The following LRRC18 variants were observed in gnomAD, a reference collection of about 807,000 sequenced individuals.
The protein encoded by LRRC18 is leucine-rich repeat-containing protein 18.
LRRC18 carries 12 observed loss-of-function variants against 11.2 expected under a neutral mutation model. That is an observed-to-expected ratio of 1.07 (90% CI 0.69 to 1.74). LRRC18 has a LOEUF of 1.74. Among genes scored for constraint, LRRC18 ranks in the 40% most tolerant of loss-of-function variants. The pLI is 0.00. For missense variants in LRRC18, 374 were observed against 330.5 expected (o/e 1.13, Z -1.02); for synonymous variants, 155 against 130.6 (o/e 1.19, Z -1.27).
chr10:48,913,891 G>A, exon 1 of LRRC18: 1 of 1,614,186 alleles, frequency 6.2e-7, no homozygotes, highest in East Asian at 2.2e-5. Flanking sequence ...ATGGACTCAG[G>A]CAGCTTGTCT....
upstream of LRRC18, among the ~76,000 whole-genome samples, chr10:48,916,871 A>ATGTGTG (rs55891907): frequency 9.6e-4 from 143 of 149,388 alleles, no homozygotes; most frequent in African/African-American, 3.1e-3. Context: ...CTTTAAAAAT[A>ATGTGTG]TGTGTGTGTG....
At chr10:48,936,598 G>A in the LRRC18 span, among the ~76,000 whole-genome samples, 56 of 122,754 alleles carry the variant, frequency 4.6e-4, 1 homozygote, top group East Asian at 9.0e-3. Flanking sequence ...AGCACTTTCG[G>A]AGGCCGAAGA....
the LRRC18 span, among the ~76,000 whole-genome samples, chr10:48,925,983 C>T: frequency 6.6e-6 from 1 of 152,140 alleles, no homozygotes; most frequent in Non-Finnish European, 1.5e-5. Context: ...TCCCCAAAGT[C>T]ACACAGGCAG....
chr10:48,917,261 A>G (rs998577911), upstream of LRRC18, among the ~76,000 whole-genome samples: 1 of 152,230 alleles, frequency 6.6e-6, no homozygotes, highest in African/African-American at 2.4e-5. Flanking sequence ...CTCTATCTCT[A>G]TCTCTGCTGA....
intron 1 of LRRC18, chr10:48,910,957 A>G (rs770754445): frequency 1.5e-5 from 15 of 971,638 alleles, no homozygotes; most frequent in South Asian, 4.8e-5. Flanking sequence ...AGGAGGGAAA[A>G]TTAATTCTAA....
At chr10:48,917,575 G>A (rs1338616321), upstream of LRRC18, among the ~76,000 whole-genome samples, 4 of 152,238 alleles carry the variant, frequency 2.6e-5, no homozygotes, top group Non-Finnish European at 5.9e-5. Context: ...ACAGGGGCCA[G>A]AGGTGCTGGA....
chr10:48,938,861 C>T, the LRRC18 span, among the ~76,000 whole-genome samples: 1 of 152,182 alleles, frequency 6.6e-6, no homozygotes, highest in Non-Finnish European at 1.5e-5. Context: ...TAGAGGTGGA[C>T]ACCTGTCCTG....
upstream of LRRC18, among the ~76,000 whole-genome samples, chr10:48,915,374 C>T (rs1465711819): frequency 6.6e-6 from 1 of 151,774 alleles, no homozygotes. Flanking sequence ...GGTTCTGGGA[C>T]CCCCTTTTCT....
exon 1 of LRRC18, chr10:48,913,500 T>C: frequency 6.2e-7 from 1 of 1,613,852 alleles, no homozygotes; most frequent in Non-Finnish European, 8.5e-7. Flanking sequence ...ATTCAGGTTG[T>C]CCCGGGCGTT....
chr10:48,916,114 A>G (rs1838505656), upstream of LRRC18, among the ~76,000 whole-genome samples: 1 of 152,248 alleles, frequency 6.6e-6, no homozygotes, highest in South Asian at 2.1e-4. Flanking sequence ...GATAAGTGAT[A>G]TCAGGCAGAT....
exon 1 of LRRC18, chr10:48,914,073 C>T (rs1377053517): frequency 6.2e-7 from 1 of 1,614,174 alleles, no homozygotes; most frequent in Non-Finnish European, 8.5e-7. Context: ...GCGCTTTTTC[C>T]CATCAAAAGT....
the LRRC18 span, among the ~76,000 whole-genome samples, chr10:48,930,150 C>T: frequency 6.6e-6 from 1 of 152,170 alleles, no homozygotes; most frequent in African/African-American, 2.4e-5. Context: ...AAGGTCAATC[C>T]TGATTCCCAT....
At chr10:48,935,440 A>G in the LRRC18 span, among the ~76,000 whole-genome samples, 6 of 152,386 alleles carry the variant, frequency 3.9e-5, no homozygotes, top group African/African-American at 1.4e-4. Flanking sequence ...GAGAGGATCG[A>G]ATCAGAGCCC....
chr10:48,926,392 A>G, the LRRC18 span, among the ~76,000 whole-genome samples: 1 of 152,186 alleles, frequency 6.6e-6, no homozygotes, highest in Non-Finnish European at 1.5e-5. Context: ...TTGGCCTGGG[A>G]ACTGCAATGT....
the LRRC18 span, among the ~76,000 whole-genome samples, chr10:48,932,183 G>C: frequency 2.0e-5 from 3 of 152,288 alleles, no homozygotes; most frequent in South Asian, 6.2e-4. Context: ...GTGTTCAGTG[G>C]GCACTCAACA....
intron 1 of LRRC18, among the ~76,000 whole-genome samples, chr10:48,912,964 C>G (rs1838141642): frequency 6.6e-6 from 1 of 152,250 alleles, no homozygotes; most frequent in South Asian, 2.1e-4. Context: ...CTCTGAGATT[C>G]CTTGCCTTTG....
rs1247789926 is a variant in LRRC18, at chr10:48,913,939, G to A, written c.217C>T (p.Gln73Ter). The A allele has an allele frequency of 6.2e-7, 1 of 1,614,098 alleles. No individual in the cohort carries two copies. The highest frequency in any genetic ancestry group is 1.7e-5 in the Admixed American group (1 of 60,012). The change falls in exon 1 of 2, where the codon CAG becomes TAG. Residue 73 changes from glutamine (Q) to a stop codon, truncating the protein, a stop_gained. Coordinates refer to ENST00000374160, the Ensembl canonical transcript of LRRC18. LOFTEE classifies it high-confidence loss of function. Reference sequence around the variant, plus strand: ...TGCAGGTCCAGCCACCGGAGGTTCTGGAACTTGGAGATGGAGTCAGGGATC... The same window carrying A: ...TGCAGGTCCAGCCACCGGAGGTTCTAGAACTTGGAGATGGAGTCAGGGATC...
chr10:48,939,312 G>A, the LRRC18 span, among the ~76,000 whole-genome samples: 1 of 152,362 alleles, frequency 6.6e-6, no homozygotes, highest in South Asian at 2.1e-4. Flanking sequence ...CCACACCAAT[G>A]CTAGCCTTTT....
At chr10:48,920,177 C>CT in the LRRC18 span, among the ~76,000 whole-genome samples, 2 of 152,058 alleles carry the variant, frequency 1.3e-5, no homozygotes, top group African/African-American at 4.8e-5. Context: ...AATGTAACAT[C>CT]TGCTAGTGAT....
Sources: gnomAD v4.1 joint callset for allele counts (sites outside exome capture counted in the v4.1 genomes callset) on GRCh38, gnomAD v4.1.1 for gene constraint, MANE v1.5 for transcripts, NCBI Gene and HGNC (gene_info 2026-07-23, HGNC 2026-07-21) for gene names.